The following NCOA1 variants were observed in gnomAD, a reference collection of about 807,000 sequenced individuals.
NCOA1 encodes nuclear receptor coactivator 1.
A neutral mutation model predicts 150.9 loss-of-function variants in NCOA1; 35 were observed. The observed-to-expected ratio is 0.23, with a 90% CI of 0.18 to 0.31. The LOEUF is 0.31. Ranked by LOEUF, NCOA1 falls within the 10% of genes least tolerant of loss-of-function variation. The pLI is 1.00. For missense variants in NCOA1, 1,491 were observed against 1,749.3 expected, an observed-to-expected ratio of 0.85 and a Z score of 2.63; for synonymous variants, 590 against 630.0, an observed-to-expected ratio of 0.94 and a Z score of 0.95.
chr2:24,625,597 A>G (rs1669372765), intron 3 of NCOA1, among the ~76,000 whole-genome samples: 1 of 152,066 alleles, frequency 6.6e-6, no homozygotes, highest in African/African-American at 2.4e-5. Context: ...TAGAACCTTG[A>G]AATCTATTTC....
chr2:24,689,023 T>G (rs1302891103), intron 8 of NCOA1, among the ~76,000 whole-genome samples: 1 of 152,190 alleles, frequency 6.6e-6, no homozygotes, highest in Non-Finnish European at 1.5e-5. Flanking sequence ...CCATTGCTTG[T>G]TTTTGTCAGC....
At chr2:24,698,676 C>G (rs1226414009) in intron 11 of NCOA1, among the ~76,000 whole-genome samples, 1 of 152,166 alleles carries the variant, frequency 6.6e-6, no homozygotes, top group Non-Finnish European at 1.5e-5. Context: ...TCTCTAATCT[C>G]TAGATAGTTT....
At chr2:24,650,052 A>G (rs182076631) in intron 4 of NCOA1, among the ~76,000 whole-genome samples, 57 of 152,326 alleles carry the variant, frequency 3.7e-4, no homozygotes, top group Admixed American at 3.7e-3. Flanking sequence ...GATTTTTAAG[A>G]ATTCATTGAT....
At chr2:24,513,757 C>T (rs1239523378) in intron 1 of NCOA1, among the ~76,000 whole-genome samples, 1 of 152,112 alleles carries the variant, frequency 6.6e-6, no homozygotes, top group African/African-American at 2.4e-5. Context: ...ATTCCTCAAA[C>T]ATTTCTAGTG....
chr2:24,600,990 G>A (rs1038579024), intron 3 of NCOA1, among the ~76,000 whole-genome samples: 7 of 151,986 alleles, frequency 4.6e-5, no homozygotes, highest in African/African-American at 1.7e-4. Context: ...TTATCTTACA[G>A]TATGGAAATA....
intron 14 of NCOA1, among the ~76,000 whole-genome samples, chr2:24,718,324 G>T (rs1178461915): frequency 1.3e-5 from 2 of 152,160 alleles, no homozygotes; most frequent in Non-Finnish European, 2.9e-5. Flanking sequence ...GCAAGTGATG[G>T]CAAGGGTGTG....
At chr2:24,731,680 A>T (rs1663019353) in intron 17 of NCOA1, among the ~76,000 whole-genome samples, 1 of 152,232 alleles carries the variant, frequency 6.6e-6, no homozygotes, top group Non-Finnish European at 1.5e-5. Context: ...AGAGAGGAAA[A>T]GAGAAAGAGA....
chr2:24,573,254 G>A (rs977990082), intron 2 of NCOA1, among the ~76,000 whole-genome samples: 40 of 152,060 alleles, frequency 2.6e-4, no homozygotes, highest in Admixed American at 4.6e-4. Flanking sequence ...TGATTGCTGC[G>A]TATCAAGTGC....
intron 3 of NCOA1, among the ~76,000 whole-genome samples, chr2:24,590,344 C>G (rs1247479503): frequency 1.3e-5 from 2 of 152,092 alleles, no homozygotes; most frequent in African/African-American, 4.8e-5. Context: ...GCTTTTCTTA[C>G]ATTTACTTTT....
At chr2:24,638,391 A>G (rs1213797627) in intron 3 of NCOA1, among the ~76,000 whole-genome samples, 2 of 151,886 alleles carry the variant, frequency 1.3e-5, no homozygotes, top group Non-Finnish European at 2.9e-5. Context: ...GTTGTTGGAC[A>G]CCCAGGTTGA....
chr2:24,691,520 A>G lies in NCOA1; in HGVS notation c.572A>G (p.Asn191Ser). ...TGGCCTCAAGAGGCAACACGACGAAATAGCCATACCTTTAACTGCAGGATG... is the reference window on the plus strand; with the variant it reads ...TGGCCTCAAGAGGCAACACGACGAAGTAGCCATACCTTTAACTGCAGGATG... ...VPWPQEATRR[N>S]SHTFNCRMLI... The change falls in exon 9 of 23, where the codon AAT (asparagine) becomes AGT (serine). Residue 191 changes from asparagine (N) to serine (S), a missense_variant. This residue lies in a region of NCOA1 where 99 missense variants were observed against 122.8 expected (regional missense o/e 0.81). Coordinates refer to ENST00000348332, the MANE Select transcript of NCOA1 (RefSeq NM_003743.5). 6.2e-7 allele frequency: 1 copy of G among 1,614,172 alleles called. No homozygotes were observed. The highest frequency in any genetic ancestry group is 8.5e-7 in the Non-Finnish European group (1 of 1,179,990).
intron 1 of NCOA1, among the ~76,000 whole-genome samples, chr2:24,523,169 C>T (rs1572379733): frequency 6.6e-6 from 1 of 152,136 alleles, no homozygotes; most frequent in African/African-American, 2.4e-5. Context: ...TTCGGTCCTC[C>T]CTTGATGTCT....
intron 1 of NCOA1, among the ~76,000 whole-genome samples, chr2:24,525,578 G>A (rs1478468996): frequency 7.1e-6 from 1 of 141,468 alleles, no homozygotes; most frequent in Admixed American, 7.2e-5. Flanking sequence ...AGACAGTCTT[G>A]CTCTGTCACC....
intron 7 of NCOA1, among the ~76,000 whole-genome samples, chr2:24,681,850 G>A (rs1383654964): frequency 1.3e-5 from 2 of 152,044 alleles, no homozygotes; most frequent in African/African-American, 4.8e-5. Flanking sequence ...AAGTAACTGG[G>A]ACTACAGGCG....
At chr2:24,634,716 C>T (rs929262304) in intron 3 of NCOA1, among the ~76,000 whole-genome samples, 6 of 112,216 alleles carry the variant, frequency 5.3e-5, no homozygotes, top group African/African-American at 2.0e-4. Flanking sequence ...GAACCCCCCC[C>T]CCCCCCGCCC....
At chr2:24,673,288 T>A in intron 6 of NCOA1, 78 bp from the exon 7 acceptor site, 1 of 949,740 alleles carries the variant, frequency 1.1e-6, no homozygotes, top group Non-Finnish European at 1.6e-6. Flanking sequence ...ATTTGGTGGA[T>A]CTATGTCTTC....
At chr2:24,722,334 T>A (rs1030249598) in intron 14 of NCOA1, among the ~76,000 whole-genome samples, 2 of 152,206 alleles carry the variant, frequency 1.3e-5, no homozygotes, top group Admixed American at 1.3e-4. Flanking sequence ...AGGGTACTGT[T>A]GATCAGAATG....
intron 1 of NCOA1, among the ~76,000 whole-genome samples, chr2:24,552,140 A>G (rs555525988): frequency 2.0e-5 from 3 of 151,152 alleles, no homozygotes; most frequent in Admixed American, 6.6e-5. Context: ...GTTTCTTTGC[A>G]TTTTCATAAA....
At chr2:24,685,473 T>G (rs1672358419) in intron 8 of NCOA1, among the ~76,000 whole-genome samples, 1 of 152,228 alleles carries the variant, frequency 6.6e-6, no homozygotes, top group African/African-American at 2.4e-5. Flanking sequence ...TTTGTGAAAT[T>G]CTAATAAATT....
Sources: allele counts gnomAD v4.1 joint callset (sites outside exome capture counted in the v4.1 genomes callset), GRCh38; gene constraint gnomAD v4.1.1; regional missense constraint gnomAD v4.1.1; transcripts MANE v1.5; gene names NCBI Gene and HGNC (gene_info 2026-07-23, HGNC 2026-07-21).